PITPNB: variants seen among roughly 807,000 people sequenced by gnomAD.
The protein encoded by PITPNB is phosphatidylinositol transfer protein beta.
PITPNB carries 16 observed loss-of-function variants against 45.9 expected under a neutral mutation model. The observed-to-expected ratio is 0.35, with a 90% CI of 0.24 to 0.53. The LOEUF (loss-of-function observed/expected upper bound fraction) is 0.53. PITPNB is among the 20% of genes least tolerant of loss of function. The pLI is 0.93. For missense variants in PITPNB, 188 were observed against 330.5 expected (o/e 0.57, Z 3.34); for synonymous variants, 112 against 108.9 (o/e 1.03, Z -0.18).
At position 27,851,781 on chromosome 22, in the gene PITPNB, C is replaced by T. The variant is rs1934026937; in HGVS notation, c.*1921G>A. 6.6e-6 allele frequency: 1 copy of T among 152,150 alleles called. No homozygotes were observed. Among genetic ancestry groups the T allele is most frequent in the Admixed American group, 6.5e-5 (1 of 15,280 alleles). 9.4% of individuals were successfully genotyped at this position (152,150 alleles called of 1,614,324 possible). A position where few individuals can be genotyped will look rare whatever the true frequency, so the allele number is the denominator to read the frequency against. ...AGGTATTTTACATTCACCACACATTCCCTCAAATCTCCACAGTTGTTAGAA... is the reference window on the plus strand; with the variant it reads ...AGGTATTTTACATTCACCACACATTTCCTCAAATCTCCACAGTTGTTAGAA... On this transcript the variant is annotated 3_prime_UTR_variant, in exon 12 of 12. Transcript: ENST00000335272.
chr22:27,906,706 G>C (rs921004761), intron 3 of PITPNB, among the ~76,000 whole-genome samples: 2 of 152,056 alleles, frequency 1.3e-5, no homozygotes, highest in Admixed American at 1.3e-4. Flanking sequence ...AAATACATAA[G>C]TACTAGATCT....
At chr22:27,902,406 GGAT>G (rs1485086203) in intron 3 of PITPNB, among the ~76,000 whole-genome samples, 1 of 152,244 alleles carries the variant, frequency 6.6e-6, no homozygotes, top group African/African-American at 2.4e-5. Flanking sequence ...TTTATTCTTT[GGAT>G]GATGGGAAGC....
intron 7 of PITPNB, among the ~76,000 whole-genome samples, chr22:27,892,578 C>T (rs1935311364): frequency 1.3e-5 from 2 of 152,206 alleles, no homozygotes; most frequent in African/African-American, 4.8e-5. Flanking sequence ...GGCTTGTAAG[C>T]TGTCCTGACC....
At chr22:27,895,347 T>C in intron 6 of PITPNB, among the ~76,000 whole-genome samples, 1 of 152,166 alleles carries the variant, frequency 6.6e-6, no homozygotes. Flanking sequence ...CCTAGCACTT[T>C]GGGAGGCTGA....
At chr22:27,890,060 G>A (rs1284310710) in intron 7 of PITPNB, among the ~76,000 whole-genome samples, 1 of 152,186 alleles carries the variant, frequency 6.6e-6, no homozygotes, top group East Asian at 1.9e-4. Flanking sequence ...TTAGAGTGTA[G>A]GGGCAGCTGT....
At chr22:27,860,730 G>A (rs532826296) in intron 8 of PITPNB, 1 of 153,146 alleles carries the variant, frequency 6.5e-6, no homozygotes, top group Non-Finnish European at 1.5e-5. Context: ...GAAAAGTGAT[G>A]CAACAGCAAA....
intron 8 of PITPNB, among the ~76,000 whole-genome samples, chr22:27,864,405 C>T (rs1417647230): frequency 1.3e-5 from 2 of 152,144 alleles, no homozygotes; most frequent in Non-Finnish European, 2.9e-5. Flanking sequence ...TGAAATCTGA[C>T]ACTAGGTAAT....
chr22:27,914,253 A>C lies in PITPNB; in HGVS notation c.51+64T>G, dbSNP rs1936014428. The C allele has an allele frequency of 8.3e-6, 8 of 960,024 alleles. No homozygotes were observed. In the South Asian group the frequency reaches 1.1e-4, roughly 13 times the overall value. 59.5% of individuals were successfully genotyped at this position (960,024 alleles called of 1,614,324 possible). On this transcript the variant is annotated intron_variant, in intron 2 of 11. Coordinates refer to ENST00000335272, the MANE Select transcript of PITPNB (RefSeq NM_012399.5). ...ATCAATACTACGAAAATGTGAGTTTAGAGTAACATATCAAAGTACAGTACA... is the reference window on the plus strand; with the variant it reads ...ATCAATACTACGAAAATGTGAGTTTCGAGTAACATATCAAAGTACAGTACA...
rs1338085589 is a variant in PITPNB at position 27,860,309 on chromosome 22, T to C, written c.535-68A>G. 14 of 898,858 alleles carry C rather than the reference T, an allele frequency of 1.6e-5. No individual in the cohort carries two copies. The South Asian group carries it at 2.2e-4, about 14-fold the overall frequency. 55.7% of individuals were successfully genotyped at this position (898,858 alleles called of 1,614,324 possible). Reference sequence around the variant, plus strand: ...TTTATGTTTTCATTAAAATTGACTGTTGTATAACGACATCATAGACATACA... The same window carrying C: ...TTTATGTTTTCATTAAAATTGACTGCTGTATAACGACATCATAGACATACA... On this transcript the variant is annotated intron_variant, in intron 8 of 11. Coordinates refer to ENST00000335272, the MANE Select transcript of PITPNB (RefSeq NM_012399.5).
chr22:27,860,125 T>A lies in PITPNB; in HGVS notation c.645+6A>T. The stretch of plus-strand genomic sequence containing the variant: ...TCTAAGTCACCACATTTTGAGCAGA[T>A]TTTACCTTTTGAATGAAGTTTTCTA... On this transcript the variant is annotated splice_donor_region_variant and intron_variant, in intron 9 of 11. Transcript: ENST00000335272. 6.4e-7 allele frequency: 1 copy of A among 1,559,692 alleles called. No homozygotes were observed. The highest frequency in any genetic ancestry group is 8.8e-7 in the Non-Finnish European group (1 of 1,130,522).
At chr22:27,887,178 C>T (rs919231672) in intron 7 of PITPNB, among the ~76,000 whole-genome samples, 3 of 152,198 alleles carry the variant, frequency 2.0e-5, no homozygotes, top group South Asian at 2.1e-4. Context: ...CCAGATTCTA[C>T]ATGTGAGGTG....
At chr22:27,882,798 A>G (rs1935010746) in intron 7 of PITPNB, among the ~76,000 whole-genome samples, 1 of 152,222 alleles carries the variant, frequency 6.6e-6, no homozygotes, top group Admixed American at 6.5e-5. Context: ...TACACAACCA[A>G]CAGTTGGAAC....
chr22:27,883,768 T>C (rs967055806), intron 7 of PITPNB, among the ~76,000 whole-genome samples: 43 of 152,224 alleles, frequency 2.8e-4, no homozygotes, highest in Admixed American at 6.5e-4. Context: ...TTCAGAGAAC[T>C]GGACTAGTGG....
intron 7 of PITPNB, among the ~76,000 whole-genome samples, chr22:27,879,439 T>A (rs1934907643): frequency 6.6e-6 from 1 of 152,220 alleles, no homozygotes; most frequent in Non-Finnish European, 1.5e-5. Context: ...CTGGGGCTAG[T>A]GAGCTGCCTT....
chr22:27,884,809 A>T (rs185332140), intron 7 of PITPNB, among the ~76,000 whole-genome samples: 341 of 152,254 alleles, frequency 2.2e-3, no homozygotes, highest in African/African-American at 7.1e-3. Context: ...CCTTATTATT[A>T]ACATGTAAAA....
At chr22:27,894,776 G>C (rs1452601672) in intron 6 of PITPNB, 138 bp from the exon 7 acceptor site, 3 of 485,192 alleles carry the variant, frequency 6.2e-6, no homozygotes, top group Non-Finnish European at 3.7e-6. Context: ...CATTATATTA[G>C]CTGTCTGACA....
At chr22:27,889,989 A>G (rs1328318146) in intron 7 of PITPNB, among the ~76,000 whole-genome samples, 1 of 152,248 alleles carries the variant, frequency 6.6e-6, no homozygotes, top group East Asian at 1.9e-4. Context: ...TGTTTGGGAC[A>G]GAAGCTAATC....
rs1934033975 is a variant in PITPNB at position 27,852,026 on chromosome 22, T to C, written c.*1676A>G. 6.6e-6 allele frequency: 1 copy of C among 152,226 alleles called. No homozygotes were observed. Among genetic ancestry groups the C allele is most frequent in the Admixed American group, 6.5e-5 (1 of 15,292 alleles). The allele number at this position is 152,226 out of a possible 1,614,324, so 9.4% of individuals were successfully genotyped here. A position where few individuals can be genotyped will look rare whatever the true frequency, so the allele number is the denominator to read the frequency against. ...ACAGTGCCCAGAGAGTAAACATCAG[T>C]CTTTATCCTGAGTACACAAAGGATG... On this transcript the variant is annotated 3_prime_UTR_variant, in exon 12 of 12. Transcript: ENST00000335272.
intron 8 of PITPNB, among the ~76,000 whole-genome samples, chr22:27,870,369 C>T (rs2146361942): frequency 6.6e-6 from 1 of 152,294 alleles, no homozygotes; most frequent in Non-Finnish European, 1.5e-5. Flanking sequence ...GAAAATACCA[C>T]CATCAGACAA....
Sources: gnomAD v4.1 joint callset for allele counts (sites outside exome capture counted in the v4.1 genomes callset) on GRCh38, gnomAD v4.1.1 for gene constraint, MANE v1.5 for transcripts, NCBI Gene and HGNC (gene_info 2026-07-23, HGNC 2026-07-21) for gene names.